MAGI1: variants seen among roughly 807,000 people sequenced by gnomAD.
The protein encoded by MAGI1 is membrane-associated guanylate kinase, WW and PDZ domain-containing protein 1.
MAGI1 carries 58 observed loss-of-function variants against 139.9 expected under a neutral mutation model. That is an observed-to-expected ratio of 0.41 (90% CI 0.34 to 0.52). The LOEUF (loss-of-function observed/expected upper bound fraction) is 0.52, where lower values mean the gene tolerates loss of function less well. Ranked by LOEUF, MAGI1 falls within the 20% of genes least tolerant of loss-of-function variation. The pLI is 0.12. For missense variants in MAGI1, 1,874 were observed against 1,901.6 expected (o/e 0.99, Z 0.27); for synonymous variants, 812 against 737.9 (o/e 1.10, Z -1.63).
chr3:65,425,609 G>C (rs73129678), intron 12 of MAGI1, among the ~76,000 whole-genome samples: 8,014 of 152,218 alleles, frequency 0.053, 279 homozygotes, highest in South Asian at 0.12. Flanking sequence ...TTGTACTCAA[G>C]GTCAGCTCCT....
At chr3:65,763,642 G>C (rs1301097171) in intron 1 of MAGI1, among the ~76,000 whole-genome samples, 2 of 151,536 alleles carry the variant, frequency 1.3e-5, no homozygotes, top group African/African-American at 4.9e-5. Flanking sequence ...AACCCAGACT[G>C]TCTGAATGGG....
At chr3:65,491,204 T>C (rs1369349104) in intron 3 of MAGI1, among the ~76,000 whole-genome samples, 3 of 152,122 alleles carry the variant, frequency 2.0e-5, no homozygotes, top group Non-Finnish European at 4.4e-5. Context: ...CTGGGTTTGG[T>C]TCCTTCTCTA....
At chr3:65,844,054 G>A (rs1405297038) in intron 1 of MAGI1, 3 of 426,920 alleles carry the variant, frequency 7.0e-6, no homozygotes, top group African/African-American at 2.0e-5. Context: ...CTTGACAGAA[G>A]CAATGTGTGC....
intron 2 of MAGI1, among the ~76,000 whole-genome samples, chr3:65,620,378 G>A (rs185113800): frequency 6.6e-6 from 1 of 152,080 alleles, no homozygotes; most frequent in East Asian, 1.9e-4. Flanking sequence ...TTCTTCATCC[G>A]TAAAATGGGT....
intron 1 of MAGI1, among the ~76,000 whole-genome samples, chr3:65,861,781 G>A (rs1434797797): frequency 1.3e-5 from 2 of 152,042 alleles, no homozygotes; most frequent in Non-Finnish European, 2.9e-5. Flanking sequence ...ACAGGGACTG[G>A]GCCTTCATTG....
intron 12 of MAGI1, among the ~76,000 whole-genome samples, chr3:65,407,795 C>T (rs9833781): frequency 0.3 from 46,163 of 152,048 alleles, 7,929 homozygotes; most frequent in South Asian, 0.47. Flanking sequence ...GGATTTTACA[C>T]ATAATGTGGC....
At chr3:65,980,366 C>T (rs2065503538) in intron 1 of MAGI1, among the ~76,000 whole-genome samples, 2 of 152,110 alleles carry the variant, frequency 1.3e-5, no homozygotes. Flanking sequence ...AGTTCAAGAC[C>T]AGCCTGGCCA....
intron 1 of MAGI1, among the ~76,000 whole-genome samples, chr3:66,020,593 C>T (rs1193797857): frequency 2.0e-5 from 3 of 152,144 alleles, no homozygotes; most frequent in African/African-American, 7.2e-5. Context: ...TGGACCCATA[C>T]GCTGATTGAG....
intron 1 of MAGI1, among the ~76,000 whole-genome samples, chr3:65,678,103 A>C (rs943740983): frequency 9.2e-5 from 14 of 152,312 alleles, no homozygotes; most frequent in African/African-American, 2.9e-4. Flanking sequence ...GTTCTCGCTC[A>C]TAAGTGGGAG....
At chr3:65,511,752 A>G (rs1040834887) in intron 2 of MAGI1, among the ~76,000 whole-genome samples, 17 of 150,012 alleles carry the variant, frequency 1.1e-4, no homozygotes, top group African/African-American at 3.7e-4. Flanking sequence ...TCAACGACAC[A>G]GAAAGTCAAC....
rs75094564 is a variant in MAGI1, at chr3:65,649,479, C to T, written c.314-27391G>A. Among the ~76,000 whole-genome samples the T allele has an allele frequency of 1.4e-4, 21 of 152,128 alleles. No homozygotes were observed. The East Asian group carries it at 2.3e-3, about 17-fold the overall frequency. On this transcript the variant is annotated intron_variant, in intron 1 of 22. Coordinates refer to ENST00000402939, the MANE Select transcript of MAGI1 (RefSeq NM_001033057.2). ...TGACAACAAAACCATAATCCATAAA[C>T]GGAAAAAATAATGAACTGGGCATTA...
intron 2 of MAGI1, among the ~76,000 whole-genome samples, chr3:65,493,885 A>T (rs1005379519): frequency 1.4e-4 from 22 of 152,182 alleles, no homozygotes; most frequent in Non-Finnish European, 1.0e-4. Flanking sequence ...GGTAACCTAG[A>T]GAGAGTTTTA....
chr3:65,908,943 A>G (rs770667192), intron 1 of MAGI1, among the ~76,000 whole-genome samples: 2 of 152,208 alleles, frequency 1.3e-5, no homozygotes, highest in Non-Finnish European at 2.9e-5. Context: ...ATTTTTTAAT[A>G]AAAGTCATAA....
intron 1 of MAGI1, among the ~76,000 whole-genome samples, chr3:66,017,434 G>C (rs779056348): frequency 6.6e-6 from 1 of 152,174 alleles, no homozygotes; most frequent in Non-Finnish European, 1.5e-5. Context: ...ACTCCAGGGG[G>C]TCACCTACCC....
At chr3:65,964,287 T>C (rs977035794) in intron 1 of MAGI1, among the ~76,000 whole-genome samples, 1 of 152,156 alleles carries the variant, frequency 6.6e-6, no homozygotes, top group Non-Finnish European at 1.5e-5. Flanking sequence ...TGCTGAGGTA[T>C]GGCAGCCCTA....
intron 1 of MAGI1, among the ~76,000 whole-genome samples, chr3:65,654,538 T>C (rs1227338365): frequency 6.6e-6 from 1 of 152,224 alleles, no homozygotes; most frequent in Non-Finnish European, 1.5e-5. Context: ...GAAGATTCCA[T>C]GAATATTAAA....
chr3:65,951,959 G>T (rs1461733350), intron 1 of MAGI1, among the ~76,000 whole-genome samples: 1 of 152,230 alleles, frequency 6.6e-6, no homozygotes, highest in Non-Finnish European at 1.5e-5. Flanking sequence ...AGCTACTGTA[G>T]TGATAAGAGT....
chr3:65,365,118 A>T, intron 18 of MAGI1, 172 bp from the exon 19 acceptor site: 1 of 760,912 alleles, frequency 1.3e-6, no homozygotes, highest in Non-Finnish European at 2.4e-6. Flanking sequence ...CCATTTTAAG[A>T]TCTTCTCTGA....
At chr3:65,912,654 C>A (rs1576003837) in intron 1 of MAGI1, among the ~76,000 whole-genome samples, 1 of 152,200 alleles carries the variant, frequency 6.6e-6, no homozygotes, top group East Asian at 1.9e-4. Context: ...GACTTAATCT[C>A]TTAGGACCAG....
Sources: allele counts gnomAD v4.1 joint callset (sites outside exome capture counted in the v4.1 genomes callset), GRCh38; gene constraint gnomAD v4.1.1; transcripts MANE v1.5; gene names NCBI Gene and HGNC (gene_info 2026-07-23, HGNC 2026-07-21).